SHLD1: variants seen among roughly 807,000 people sequenced by gnomAD.
SHLD1 encodes shieldin complex subunit 1.
SHLD1 carries 3 observed loss-of-function variants against 5.5 expected under a neutral mutation model. That is an observed-to-expected ratio of 0.54 (90% confidence interval 0.25 to 1.40). The LOEUF (loss-of-function observed/expected upper bound fraction) is 1.40, where lower values mean the gene tolerates loss of function less well. Ranked by LOEUF, SHLD1 falls within the 40% of genes most tolerant of loss-of-function variation. SHLD1 has a pLI of 0.15. For missense variants in SHLD1, 210 were observed against 244.4 expected, an observed-to-expected ratio of 0.86 and a Z score of 0.94; for synonymous variants, 92 against 94.3, an observed-to-expected ratio of 0.98 and a Z score of 0.14.
rs1458774137 is a variant in SHLD1, at chr20:5,844,792, TATATA to T, written c.179-18231_179-18227del. Among the ~76,000 whole-genome samples, 101 of 106,122 alleles carry T rather than the reference TATATA, an allele frequency of 9.5e-4. 2 individuals are homozygous for T. The highest frequency in any genetic ancestry group is 4.2e-3 in the African/African-American group (92 of 21,682). 69.6% of individuals were successfully genotyped at this position (106,122 alleles called of 152,430 possible). On this transcript the variant is annotated intron_variant, in intron 2 of 2. Transcript: ENST00000303142. ...AGACATATATATATATATATATATA[TATATA>T]TATTTTTTTTTTTTTGAGACACAGT...
At chr20:5,832,098 G>A (rs561483676) in intron 2 of SHLD1, among the ~76,000 whole-genome samples, 1 of 152,306 alleles carries the variant, frequency 6.6e-6, no homozygotes, top group East Asian at 1.9e-4. Context: ...GCACCACTGC[G>A]CCCAGCAAAT....
At chr20:5,782,001 T>C (rs991265453) in intron 2 of SHLD1, among the ~76,000 whole-genome samples, 2 of 152,170 alleles carry the variant, frequency 1.3e-5, no homozygotes, top group African/African-American at 4.8e-5. Flanking sequence ...GGCCTGCCAG[T>C]CCTGTCGGGC....
chr20:5,857,042 T>C (rs1026571870), intron 2 of SHLD1, among the ~76,000 whole-genome samples: 5 of 152,104 alleles, frequency 3.3e-5, no homozygotes, highest in Non-Finnish European at 5.9e-5. Flanking sequence ...AGTGCAGTGG[T>C]GCAATCTCGG....
At chr20:5,752,029 G>T (rs6107684) in intron 1 of SHLD1, among the ~76,000 whole-genome samples, 9,309 of 152,220 alleles carry the variant, frequency 0.061, 961 homozygotes, top group African/African-American at 0.21. Context: ...TAAGGGAGTT[G>T]TGTGGTTCAA....
intron 1 of SHLD1, among the ~76,000 whole-genome samples, chr20:5,763,480 T>C (rs978383852): frequency 2.0e-5 from 3 of 152,092 alleles, no homozygotes; most frequent in African/African-American, 7.2e-5. Context: ...GTTAAATATC[T>C]CCACAGGTAG....
chr20:5,800,851 G>A (rs910323741), intron 2 of SHLD1, among the ~76,000 whole-genome samples: 2 of 40,194 alleles, frequency 5.0e-5, no homozygotes, highest in Non-Finnish European at 1.1e-4. Flanking sequence ...CTGTGTGTGT[G>A]TGTGTGCGTA....
At position 5,761,927 on chromosome 20, in the gene SHLD1, A is replaced by G. The variant is rs189616826; in HGVS notation, c.-4-10935A>G. 2.2e-4 allele frequency among the ~76,000 whole-genome samples: 34 copies of G among 151,894 alleles called. No homozygotes were observed. The South Asian group carries it at 4.6e-3, about 20-fold the overall frequency. On this transcript the variant is annotated intron_variant, in intron 1 of 2. Transcript: ENST00000303142. ...CCGGCCTCATGTATTAATTTCATAT[A>G]ATTCTTATGACATCTCTAGAAGGTA...
chr20:5,823,589 A>G (rs2087633036), intron 2 of SHLD1, among the ~76,000 whole-genome samples: 1 of 151,494 alleles, frequency 6.6e-6, no homozygotes, highest in Admixed American at 6.6e-5. Flanking sequence ...CTGGGATTAC[A>G]GGCGCCCGCC....
chr20:5,814,654 C>CTTTTTTTT (rs148119460), intron 2 of SHLD1, among the ~76,000 whole-genome samples: 30 of 103,764 alleles, frequency 2.9e-4, no homozygotes, highest in African/African-American at 4.2e-4. Context: ...TTTTCTTCTT[C>CTTTTTTTT]TTTTTTTTTT....
chr20:5,860,565 A>G (rs2088147636), intron 2 of SHLD1, among the ~76,000 whole-genome samples: 1 of 152,190 alleles, frequency 6.6e-6, no homozygotes, highest in Non-Finnish European at 1.5e-5. Flanking sequence ...AATGTGCTTT[A>G]CAATGAAAAG....
chr20:5,840,128 A>C (rs990950678), intron 2 of SHLD1, among the ~76,000 whole-genome samples: 12 of 152,312 alleles, frequency 7.9e-5, no homozygotes, highest in Admixed American at 5.9e-4. Context: ...TTGCCTGTTC[A>C]CCATATTGTT....
intron 2 of SHLD1, among the ~76,000 whole-genome samples, chr20:5,820,681 ATT>A (rs1354224341): frequency 3.3e-5 from 5 of 152,258 alleles, no homozygotes; most frequent in African/African-American, 1.2e-4. Context: ...GGAAAATATT[ATT>A]TCAGACTGAT....
intron 1 of SHLD1, 119 bp from the exon 2 acceptor site, chr20:5,772,743 C>A: frequency 2.0e-6 from 2 of 1,019,524 alleles, no homozygotes; most frequent in Non-Finnish European, 2.8e-6. Context: ...GAGACCTGAT[C>A]TCTACAAAAA....
intron 2 of SHLD1, among the ~76,000 whole-genome samples, chr20:5,800,900 A>G (rs2087284155): frequency 6.6e-6 from 1 of 152,098 alleles, no homozygotes; most frequent in Admixed American, 6.6e-5. Flanking sequence ...GGTGATGACT[A>G]TGGATCAGAA....
chr20:5,755,641 C>A (rs1467000496), intron 1 of SHLD1, among the ~76,000 whole-genome samples: 1 of 151,944 alleles, frequency 6.6e-6, no homozygotes, highest in South Asian at 2.1e-4. Flanking sequence ...CTCACCACAA[C>A]CTCCGCCTCC....
Position 5,853,862 on chromosome 20 carries a change from A to T in SHLD1, c.179-9162A>T, listed in dbSNP as rs1351420093. Among the ~76,000 whole-genome samples, 9 of 147,446 alleles carry T rather than the reference A, an allele frequency of 6.1e-5. No homozygotes were observed. In the South Asian group the frequency reaches 1.3e-3, roughly 21 times the overall value. The stretch of plus-strand genomic sequence containing the variant: ...GTCTACTTTTTTTTTTTTTTTGGAG[A>T]TAGGGTCTGGCTCTGTCGCCTAGGC... On this transcript the variant is annotated intron_variant, in intron 2 of 2. Transcript: ENST00000303142.
rs61113051 is a variant in SHLD1 at position 5,817,776 on chromosome 20, A to C, written c.178+44733A>C. Among the ~76,000 whole-genome samples, 1,226 of 152,220 alleles carry C rather than the reference A, an allele frequency of 8.1e-3. 10 individuals carry two copies. The highest frequency in any genetic ancestry group is 0.029 in the African/African-American group (1,189 of 41,530). On this transcript the variant is annotated intron_variant, in intron 2 of 2. Transcript: ENST00000303142. ...CCTATGCTGATTTCTGGAGCTCTTT[A>C]TCTGTTTAGCTCCCTCATCTCCAGG...
intron 2 of SHLD1, among the ~76,000 whole-genome samples, chr20:5,775,535 T>C (rs1985382540): frequency 6.6e-6 from 1 of 152,184 alleles, no homozygotes; most frequent in Non-Finnish European, 1.5e-5. Flanking sequence ...AATATTTATG[T>C]AGGGGTATTT....
rs185362009 is a variant in SHLD1, at chr20:5,828,698, T to C, written c.179-34326T>C. On this transcript the variant is annotated intron_variant, in intron 2 of 2. Coordinates refer to ENST00000303142, the MANE Select transcript of SHLD1 (RefSeq NM_152504.4). The stretch of plus-strand genomic sequence containing the variant: ...TTGTGCTGATTTGCAGTTTCTTAAA[T>C]TGATGGTGCCAAGTAAAATATATTT... 7.9e-5 allele frequency among the ~76,000 whole-genome samples: 12 copies of C among 152,364 alleles called. No individual in the cohort carries two copies. The East Asian group carries it at 1.5e-3, about 20-fold the overall frequency.
Sources: allele counts gnomAD v4.1 joint callset (sites outside exome capture counted in the v4.1 genomes callset), GRCh38; gene constraint gnomAD v4.1.1; transcripts MANE v1.5; gene names NCBI Gene and HGNC (gene_info 2026-07-23, HGNC 2026-07-21).